Variants in HUWE1 observed in about 807,000 individuals in gnomAD.
HUWE1 encodes the protein HECT, UBA and WWE domain containing E3 ubiquitin protein ligase 1.
HUWE1 carries 18 observed loss-of-function variants against 299.4 expected under a neutral mutation model. The ratio of observed to expected loss-of-function variants is 0.06; its 90% CI spans 0.04 to 0.09. The LOEUF (loss-of-function observed/expected upper bound fraction) is 0.09. HUWE1 is among the 10% of genes least tolerant of loss of function. The pLI is 1.00. For missense variants in HUWE1, 1,832 were observed against 3,462.3 expected, an observed-to-expected ratio of 0.53 and a Z score of 11.82; for synonymous variants, 1,317 against 1,286.1, an observed-to-expected ratio of 1.02 and a Z score of -0.51.
chrX:53,554,962 G>C, intron 60 of HUWE1, 42 bp from the exon 61 acceptor site: 1 of 1,054,663 alleles, frequency 9.5e-7, no homozygotes, highest in Non-Finnish European at 1.3e-6. Flanking sequence ...GGGGCAACCA[G>C]CCAATGATGA....
In HUWE1 at chrX:53,539,060, C is replaced by A; in HGVS notation, c.11653G>T (p.Ala3885Ser). The change falls in exon 76 of 84, where the codon GCC (alanine) becomes TCC (serine). Residue 3885 changes from alanine (A) to serine (S), a missense_variant. By Grantham distance (99) the Ala-to-Ser change is moderately conservative. This residue lies in a region of HUWE1 where 129 missense variants were observed against 439.4 expected (regional missense o/e 0.29). Coordinates refer to ENST00000262854, the MANE Select transcript of HUWE1 (RefSeq NM_031407.7). Reference sequence around the variant, plus strand: ...TCTGTGGCATGGACCAGAAAGAAGGCCTCGACAGCAGGCTGTAGCACTAGG... The same window carrying A: ...TCTGTGGCATGGACCAGAAAGAAGGACTCGACAGCAGGCTGTAGCACTAGG... ...AVLVLQPAVE[A>S]FFLVHATERE... 1 of 1,209,253 alleles carries A rather than the reference C, an allele frequency of 8.3e-7. No individual in the cohort carries two copies. Among genetic ancestry groups the A allele is most frequent in the East Asian group, 3.0e-5 (1 of 33,785 alleles).
At chrX:53,608,434 AG>A (rs2065262114) in intron 24 of HUWE1, among the ~76,000 whole-genome samples, 1 of 112,475 alleles carries the variant, frequency 8.9e-6, no homozygotes, top group Non-Finnish European at 1.9e-5. Context: ...TGAGTGTTTC[AG>A]ATTTTTATTT....
At chrX:53,656,503 C>T (rs782297437) in intron 3 of HUWE1, among the ~76,000 whole-genome samples, 9 of 94,747 alleles carry the variant, frequency 9.5e-5, no homozygotes, top group Admixed American at 3.6e-4. Context: ...GATAGTGCCA[C>T]TGCACTCCAG....
At chrX:53,551,916 GAC>G (rs2061784636) in intron 63 of HUWE1, among the ~76,000 whole-genome samples, 1 of 111,363 alleles carries the variant, frequency 9.0e-6, no homozygotes, top group Non-Finnish European at 1.9e-5. Flanking sequence ...CAAGACATGG[GAC>G]ACAGAGAAGG....
chrX:53,601,817 T>G (rs782499476), intron 28 of HUWE1, among the ~76,000 whole-genome samples: 2 of 109,751 alleles, frequency 1.8e-5, no homozygotes, highest in Admixed American at 9.7e-5. Flanking sequence ...TATAGGTATG[T>G]GCCACCACGC....
chrX:53,579,151 G>A (rs2063452854), intron 43 of HUWE1, among the ~76,000 whole-genome samples: 1 of 78,274 alleles, frequency 1.3e-5, no homozygotes, highest in Non-Finnish European at 2.5e-5. Flanking sequence ...CTACTGGGAA[G>A]TGAGGACCCC....
At chrX:53,649,324 A>G (rs965479985) in intron 4 of HUWE1, among the ~76,000 whole-genome samples, 2 of 112,014 alleles carry the variant, frequency 1.8e-5, no homozygotes, top group Non-Finnish European at 3.8e-5. Context: ...ATACTATTAA[A>G]AAGAGTATGA....
At chrX:53,592,274 A>G (rs1423538337) in intron 33 of HUWE1, 124 bp downstream of exon 33, 10 of 554,205 alleles carry the variant, frequency 1.8e-5, no homozygotes, top group Non-Finnish European at 2.8e-5. Context: ...GAAGGAGGAA[A>G]TCTAAACTGT....
chrX:53,545,182 G>C, intron 70 of HUWE1, 21 bp from the exon 71 acceptor site: 1 of 1,207,119 alleles, frequency 8.3e-7, no homozygotes, highest in Non-Finnish European at 1.1e-6. Flanking sequence ...AGAGGAGTCA[G>C]CAAGTGTTCA....
chrX:53,594,470 G>A, intron 31 of HUWE1, 29 bp downstream of exon 31: 1 of 1,205,102 alleles, frequency 8.3e-7, no homozygotes, highest in Non-Finnish European at 1.1e-6. Context: ...TCCAAGAAAT[G>A]CTCCTCTGTG....
At chrX:53,587,490 A>G (rs1445148502) in intron 37 of HUWE1, among the ~76,000 whole-genome samples, 5 of 112,426 alleles carry the variant, frequency 4.4e-5, no homozygotes, top group African/African-American at 1.6e-4. Flanking sequence ...CAAAAAGAAT[A>G]TAAAACTTTC....
chrX:53,569,936 A>G, intron 47 of HUWE1, 109 bp from the exon 48 acceptor site: 1 of 654,645 alleles, frequency 1.5e-6, no homozygotes, highest in Non-Finnish European at 2.5e-6. Context: ...TCACCCAATG[A>G]GTGATTATTA....
chrX:53,648,530 CA>C (rs1235327907), intron 4 of HUWE1, among the ~76,000 whole-genome samples: 2 of 94,771 alleles, frequency 2.1e-5, no homozygotes, highest in Non-Finnish European at 4.1e-5. Flanking sequence ...GCTTAAAAAA[CA>C]AAAAAAAACA....
intron 18 of HUWE1, among the ~76,000 whole-genome samples, 176 bp from the exon 19 acceptor site, chrX:53,624,851 G>A (rs191987617): frequency 8.9e-6 from 1 of 111,817 alleles, no homozygotes; most frequent in East Asian, 2.8e-4. Flanking sequence ...CATGCAATAG[G>A]CTTTCTAACA....
intron 3 of HUWE1, among the ~76,000 whole-genome samples, chrX:53,678,725 A>G (rs1181588941): frequency 2.7e-5 from 3 of 112,191 alleles, no homozygotes; most frequent in African/African-American, 9.7e-5. Flanking sequence ...GGGTCAGAAC[A>G]GCTGAGACAC....
rs2061796302 is a variant in HUWE1, at chrX:53,552,223, G to T, written c.8881+88C>A. ...CACATACATGCCCTCCATCTAAATG[G>T]AACTGTTTGGCTGGTGGGCATTTCC... is the stretch of plus-strand genomic sequence containing the variant. On this transcript the variant is annotated intron_variant, in intron 63 of 83. Transcript: ENST00000262854. The T allele has an allele frequency of 7.5e-6, 8 of 1,071,172 alleles. No homozygotes were observed. In the South Asian group the frequency reaches 1.3e-4, roughly 18 times the overall value. 88.3% of individuals were successfully genotyped at this position (1,071,172 alleles called of 1,213,427 possible). A position where few individuals can be genotyped will look rare whatever the true frequency, so the allele number is the denominator to read the frequency against.
intron 23 of HUWE1, among the ~76,000 whole-genome samples, chrX:53,611,170 T>A (rs1469449794): frequency 1.3e-5 from 1 of 76,878 alleles, no homozygotes. Context: ...CATTTGCAAA[T>A]ACTAGCTGCT....
chrX:53,550,810 G>A (rs2061738848), intron 65 of HUWE1, 42 bp from the exon 66 acceptor site: 18 of 1,195,289 alleles, frequency 1.5e-5, no homozygotes, highest in African/African-American at 3.5e-5. Flanking sequence ...TGGAGAGGGT[G>A]TAAACTGGAT....
At position 53,647,536 on chromosome X, in the gene HUWE1, G is replaced by A. The variant is rs782656694; in HGVS notation, c.183C>T (p.Phe61=). 4.8e-5 allele frequency: 58 copies of A among 1,206,942 alleles called. No homozygotes were observed. The highest frequency in any genetic ancestry group is 5.9e-5 in the East Asian group (2 of 33,771). The change falls in exon 6 of 84, where the codon TTC becomes TTT. Residue 61 remains phenylalanine (F), a synonymous_variant. Coordinates refer to ENST00000262854, the MANE Select transcript of HUWE1 (RefSeq NM_031407.7). ...LYHWVDLLDR[F]DGILADAGQT... is the part of the protein sequence containing the mutation. Reference sequence around the variant, plus strand: ...GTCCAGCATCTGCCAGTATTCCATCGAAGCGGTCCAACAGGTCCACCCAGT... The same window carrying A: ...GTCCAGCATCTGCCAGTATTCCATCAAAGCGGTCCAACAGGTCCACCCAGT...
Sources: gnomAD v4.1 joint callset for allele counts (sites outside exome capture counted in the v4.1 genomes callset) on GRCh38, gnomAD v4.1.1 for gene constraint, gnomAD v4.1.1 regional missense constraint, MANE v1.5 for transcripts, NCBI Gene and HGNC (gene_info 2026-07-23, HGNC 2026-07-21) for gene names.